The following ROBO2 variants were observed in gnomAD, a reference collection of about 807,000 sequenced individuals.
ROBO2 encodes roundabout homolog 2.
A neutral mutation model predicts 160.8 loss-of-function variants in ROBO2; 53 were observed. That is an observed-to-expected ratio of 0.33 (90% CI 0.26 to 0.41). The LOEUF is 0.41. ROBO2 is among the 10% of genes least tolerant of loss of function. The pLI, the probability that ROBO2 is intolerant of heterozygous loss-of-function variation, is 1.00. For synonymous variants in ROBO2, 664 were observed against 611.7 expected, an observed-to-expected ratio of 1.09 and a Z score of -1.26; for missense variants, 1,577 against 1,722.4, an observed-to-expected ratio of 0.92 and a Z score of 1.49.
At chr3:77,612,795 A>G (rs2094677207) in intron 21 of ROBO2, among the ~76,000 whole-genome samples, 1 of 151,938 alleles carries the variant, frequency 6.6e-6, no homozygotes, top group South Asian at 2.1e-4. Flanking sequence ...AAATGCAAAA[A>G]ATTAGCTGGG....
chr3:76,975,850 C>T (rs1017157937), intron 2 of ROBO2, among the ~76,000 whole-genome samples: 1 of 152,050 alleles, frequency 6.6e-6, no homozygotes, highest in African/African-American at 2.4e-5. Flanking sequence ...CAAAACTCTT[C>T]TTACAGACAT....
At chr3:76,526,484 T>A (rs2081953400) in intron 2 of ROBO2, among the ~76,000 whole-genome samples, 1 of 152,086 alleles carries the variant, frequency 6.6e-6, no homozygotes, top group African/African-American at 2.4e-5. Context: ...ATTTTGTTGT[T>A]TTGTTTAATT....
intron 2 of ROBO2, among the ~76,000 whole-genome samples, chr3:76,914,219 G>A (rs1441111724): frequency 6.6e-6 from 1 of 152,098 alleles, no homozygotes; most frequent in Non-Finnish European, 1.5e-5. Flanking sequence ...CATGGAGAGG[G>A]TATTCCTCTC....
At chr3:76,171,747 G>A (rs998451411) in intron 2 of ROBO2, among the ~76,000 whole-genome samples, 4 of 152,032 alleles carry the variant, frequency 2.6e-5, no homozygotes, top group African/African-American at 7.2e-5. Flanking sequence ...AAAAGAATGA[G>A]GGTGGGGAGA....
At chr3:77,333,228 A>C (rs1405249219) in intron 2 of ROBO2, among the ~76,000 whole-genome samples, 1 of 152,214 alleles carries the variant, frequency 6.6e-6, no homozygotes, top group Admixed American at 6.5e-5. Flanking sequence ...TTATAGCTTT[A>C]GATTTGTTGA....
intron 2 of ROBO2, among the ~76,000 whole-genome samples, chr3:77,034,568 T>C (rs1273057125): frequency 6.6e-6 from 1 of 151,872 alleles, no homozygotes; most frequent in Non-Finnish European, 1.5e-5. Flanking sequence ...ATTAATTCCG[T>C]GATAGTATTG....
chr3:76,114,536 G>A (rs2108255494), intron 2 of ROBO2, among the ~76,000 whole-genome samples: 1 of 151,970 alleles, frequency 6.6e-6, no homozygotes, highest in Admixed American at 6.6e-5. Context: ...CTTATTTCAT[G>A]TACTTTACAG....
chr3:76,213,852 T>A (rs1703314419), intron 2 of ROBO2, among the ~76,000 whole-genome samples: 1 of 152,152 alleles, frequency 6.6e-6, no homozygotes, highest in Non-Finnish European at 1.5e-5. Flanking sequence ...TGTTGGACCC[T>A]ATGCCACCTG....
chr3:76,081,232 A>T (rs950902314), intron 2 of ROBO2, among the ~76,000 whole-genome samples: 5 of 152,076 alleles, frequency 3.3e-5, no homozygotes, highest in African/African-American at 1.2e-4. Flanking sequence ...GATGCCTACT[A>T]AATGGAAATT....
At chr3:76,228,201 A>G (rs927459879) in intron 2 of ROBO2, among the ~76,000 whole-genome samples, 4 of 152,212 alleles carry the variant, frequency 2.6e-5, no homozygotes, top group African/African-American at 4.8e-5. Flanking sequence ...TTCAACTATA[A>G]TAATTCAATT....
At chr3:77,101,359 G>A (rs3922796) in intron 2 of ROBO2, among the ~76,000 whole-genome samples, 52,215 of 152,022 alleles carry the variant, frequency 0.34, 9,603 homozygotes, top group East Asian at 0.54. Context: ...ATAGAGGTGA[G>A]GGGCAGGTAC....
At chr3:76,798,140 G>GAGAAAGAAAGAAAGAAAGAA (rs146844266) in intron 2 of ROBO2, among the ~76,000 whole-genome samples, 39 of 115,674 alleles carry the variant, frequency 3.4e-4, no homozygotes, top group South Asian at 6.2e-4. Context: ...AAAGAAGAAA[G>GAGAAAGAAAGAAAGAAAGAA]AGAAAGAAAG....
intron 2 of ROBO2, among the ~76,000 whole-genome samples, chr3:76,693,375 A>G (rs2092853199): frequency 6.6e-6 from 1 of 151,220 alleles, no homozygotes; most frequent in Admixed American, 6.6e-5. Context: ...TGTATGTAGC[A>G]TATATCCCTA....
intron 2 of ROBO2, among the ~76,000 whole-genome samples, chr3:76,521,456 C>G (rs949563284): frequency 6.6e-6 from 1 of 152,070 alleles, no homozygotes; most frequent in Non-Finnish European, 1.5e-5. Context: ...AGGAGAACAG[C>G]AGAGATGCGG....
At chr3:77,078,511 C>T (rs1431947455) in intron 1 of ROBO2, among the ~76,000 whole-genome samples, 1 of 152,094 alleles carries the variant, frequency 6.6e-6, no homozygotes, top group Non-Finnish European at 1.5e-5. Flanking sequence ...CTTCAGTGGC[C>T]CTGCCATACT....
chr3:76,971,825 G>T (rs1264458648), intron 2 of ROBO2, among the ~76,000 whole-genome samples: 1 of 152,134 alleles, frequency 6.6e-6, no homozygotes, highest in African/African-American at 2.4e-5. Context: ...TCAACAAATG[G>T]TTCTATACTA....
intron 2 of ROBO2, among the ~76,000 whole-genome samples, chr3:77,216,476 C>T (rs1356957719): frequency 6.6e-6 from 1 of 152,194 alleles, no homozygotes; most frequent in African/African-American, 2.4e-5. Context: ...CCATCTGTCA[C>T]CCCTTTCTCT....
chr3:76,657,722 TCATATATGA>T (rs2091623298), intron 2 of ROBO2, among the ~76,000 whole-genome samples: 1 of 135,706 alleles, frequency 7.4e-6, no homozygotes, highest in Non-Finnish European at 1.5e-5. Flanking sequence ...GTATATATAT[TCATATATGA>T]GTGTATATAT....
chr3:77,484,730 T>C (rs1378649544), intron 4 of ROBO2, among the ~76,000 whole-genome samples: 2 of 152,002 alleles, frequency 1.3e-5, no homozygotes, highest in African/African-American at 4.8e-5. Context: ...CCTCCACTTT[T>C]CCTTCTTTTT....
Sources: allele counts gnomAD v4.1 joint callset (sites outside exome capture counted in the v4.1 genomes callset), GRCh38; gene constraint gnomAD v4.1.1; transcripts MANE v1.5; gene names NCBI Gene and HGNC (gene_info 2026-07-23, HGNC 2026-07-21).